C5: variants seen among roughly 807,000 people sequenced by gnomAD.
The protein encoded by C5 is C3 and PZP-like alpha-2-macroglobulin domain-containing protein 4.
In C5, 140 loss-of-function variants were observed where a neutral mutation model predicts 218.8. The observed-to-expected ratio is 0.64, with a 90% CI of 0.56 to 0.74. C5 has a LOEUF of 0.74. C5 is among the 30% of genes least tolerant of loss of function. The pLI is 0.00. For synonymous variants in C5, 614 were observed against 682.3 expected (o/e 0.90, Z 1.56); for missense variants, 1,700 against 1,969.6 (o/e 0.86, Z 2.59).
chr9:120,976,458 A>G (rs2046953616), intron 29 of C5, among the ~76,000 whole-genome samples: 1 of 152,210 alleles, frequency 6.6e-6, no homozygotes, highest in Admixed American at 6.5e-5. Flanking sequence ...TAAAGTCAGG[A>G]GACATGAGTT....
chr9:121,051,446 T>C (rs2047670655), upstream of C5, among the ~76,000 whole-genome samples: 1 of 152,144 alleles, frequency 6.6e-6, no homozygotes, highest in South Asian at 2.1e-4. Flanking sequence ...AGTTAATTTT[T>C]ATGATGTTTT....
rs1157813308 is a variant in C5 at position 121,046,286 on chromosome 9, A to C, written c.163T>G (p.Ser55Ala). ...GYTEAFDATI[S>A]IKSYPDKKFS... is the part of the protein sequence containing the mutation. The stretch of plus-strand genomic sequence containing the variant: ...TTTTTATCAGGATAACTTTTAATAG[A>C]GATTGTTGCATCAAATGCTTCAGTG... Residue 55 changes from serine to alanine, a missense_variant, in exon 2 of 41, where the codon TCT (serine) becomes GCT (alanine). By Grantham distance (99) the Ser-to-Ala change is moderately conservative. Transcript: ENST00000223642. The C allele has an allele frequency of 6.2e-7, 1 of 1,607,420 alleles. No homozygotes were observed. Among genetic ancestry groups the C allele is most frequent in the African/African-American group, 1.3e-5 (1 of 74,908 alleles).
chr9:121,029,541 T>G (rs533494462), intron 7 of C5, among the ~76,000 whole-genome samples: 2 of 152,226 alleles, frequency 1.3e-5, no homozygotes, highest in African/African-American at 4.8e-5. Flanking sequence ...TTATATAGAT[T>G]GGTATAACTA....
chr9:121,008,108 T>C (rs2047230741), intron 18 of C5, among the ~76,000 whole-genome samples: 1 of 152,214 alleles, frequency 6.6e-6, no homozygotes, highest in Non-Finnish European at 1.5e-5. Flanking sequence ...AGGATAAAAA[T>C]AGTGGCTTAA....
In C5 at chr9:120,989,120, C is replaced by A. The variant is rs919279431; in HGVS notation, c.3156G>T (p.Gly1052=). 1 of 1,612,458 alleles carries A rather than the reference C, an allele frequency of 6.2e-7. No individual in the cohort carries two copies. The highest frequency in any genetic ancestry group is 1.3e-5 in the African/African-American group (1 of 75,038). The part of the protein sequence containing the change: ...KQKLKKKLKE[G]MLSIMSYRNA... ...TTCTGTAGGACATAATGCTCAACAT[C>A]CCTAAGAAGCACAAGAAAAAGAACA... Residue 1052 remains glycine, a splice_region_variant and synonymous_variant, in exon 25 of 41, where the codon GGG becomes GGT. Coordinates refer to ENST00000223642, the MANE Select transcript of C5 (RefSeq NM_001735.3).
Position 121,015,272 on chromosome 9 carries a change from TAA to T in C5, c.1997-13_1997-12del. 6.4e-7 allele frequency: 1 copy of T among 1,560,966 alleles called. No individual in the cohort carries two copies. Among genetic ancestry groups the T allele is most frequent in the Non-Finnish European group, 8.8e-7 (1 of 1,135,206 alleles). The stretch of plus-strand genomic sequence containing the variant: ...CTTTACAAGGTTCATCTGGTTTTTT[TAA>T]AAAAAGATAAAGAAGAAGGATTAAA... On this transcript the variant is annotated splice_polypyrimidine_tract_variant and intron_variant, in intron 15 of 40. Coordinates refer to ENST00000223642, the MANE Select transcript of C5 (RefSeq NM_001735.3).
intron 3 of C5, among the ~76,000 whole-genome samples, chr9:121,040,047 T>G (rs906500760): frequency 6.6e-6 from 1 of 152,152 alleles, no homozygotes; most frequent in South Asian, 2.1e-4. Flanking sequence ...CAAACACAAT[T>G]ATATGTAAAA....
At chr9:120,974,345 A>G (rs1252461294) in intron 30 of C5, among the ~76,000 whole-genome samples, 1 of 152,216 alleles carries the variant, frequency 6.6e-6, no homozygotes, top group Non-Finnish European at 1.5e-5. Context: ...CCTCCCAGAC[A>G]TGCCTTCCCT....
At chr9:121,034,681 A>G in intron 5 of C5, 122 bp downstream of exon 5, 4 of 635,956 alleles carry the variant, frequency 6.3e-6, no homozygotes, top group Non-Finnish European at 1.1e-5. Context: ...GAACTTCAAA[A>G]GATTTTGCAT....
At chr9:121,053,043 G>C (rs1016949201), upstream of C5, among the ~76,000 whole-genome samples, 1 of 152,160 alleles carries the variant, frequency 6.6e-6, no homozygotes, top group Non-Finnish European at 1.5e-5. Flanking sequence ...ATCAGATTGC[G>C]AACTTCAAGT....
chr9:120,959,178 A>C (rs1307428629), intron 38 of C5, among the ~76,000 whole-genome samples: 2 of 152,198 alleles, frequency 1.3e-5, no homozygotes, highest in African/African-American at 4.8e-5. Context: ...TGCTAAACAC[A>C]AAGTACCAAA....
chr9:120,991,542 T>C (rs371506190), intron 22 of C5, among the ~76,000 whole-genome samples: 56 of 152,320 alleles, frequency 3.7e-4, no homozygotes, highest in African/African-American at 1.3e-3. Context: ...ATATAAATCT[T>C]ATTCACCAGC....
rs976480698 is a variant in C5 at position 120,952,547 on chromosome 9, G to A, written c.*192C>T. 4 of 533,814 alleles carry A rather than the reference G, an allele frequency of 7.5e-6. No homozygotes were observed. The East Asian group carries it at 1.1e-4, about 15-fold the overall frequency. The allele number at this position is 533,814 out of a possible 1,614,324, so 33.1% of individuals were successfully genotyped here. A position where few individuals can be genotyped will look rare whatever the true frequency, so the allele number is the denominator to read the frequency against. ...AGTATCTGTCTTCATGCCCTCCAAG[G>A]CCATGTTATTTCAGAAAGTTACAGC... On this transcript the variant is annotated 3_prime_UTR_variant, in exon 41 of 41. Coordinates refer to ENST00000223642, the MANE Select transcript of C5 (RefSeq NM_001735.3).
At position 120,989,133 on chromosome 9, in the gene C5, A is replaced by T. The variant is rs770289916; in HGVS notation, c.3155-12T>A. 1 of 1,604,740 alleles carries T rather than the reference A, an allele frequency of 6.2e-7. No homozygotes were observed. The highest frequency in any genetic ancestry group is 8.5e-7 in the Non-Finnish European group (1 of 1,171,444). On this transcript the variant is annotated splice_polypyrimidine_tract_variant and intron_variant, in intron 24 of 40. Transcript: ENST00000223642. Reference sequence around the variant, plus strand: ...AATGCTCAACATCCCTAAGAAGCACAAGAAAAAGAACACGGTGCTTAACAG... The same window carrying T: ...AATGCTCAACATCCCTAAGAAGCACTAGAAAAAGAACACGGTGCTTAACAG...
intron 14 of C5, among the ~76,000 whole-genome samples, chr9:121,017,024 TA>T (rs2047313023): frequency 2.6e-5 from 4 of 152,218 alleles, no homozygotes; most frequent in African/African-American, 9.7e-5. Flanking sequence ...ATCCAAATGT[TA>T]CCTATACAGG....
At chr9:121,052,000 T>C (rs1033273719), upstream of C5, among the ~76,000 whole-genome samples, 36 of 152,352 alleles carry the variant, frequency 2.4e-4, no homozygotes, top group African/African-American at 8.4e-4. Context: ...GAGTAAATAC[T>C]GATAACCAAT....
intron 9 of C5, among the ~76,000 whole-genome samples, chr9:121,024,618 T>A (rs1459287833): frequency 2.6e-5 from 4 of 152,198 alleles, no homozygotes; most frequent in Admixed American, 1.3e-4. Context: ...GGAGGGTTTC[T>A]ATTTCACCCT....
At chr9:120,982,438 G>T (rs1476056085) in intron 26 of C5, among the ~76,000 whole-genome samples, 1 of 152,180 alleles carries the variant, frequency 6.6e-6, no homozygotes, top group Non-Finnish European at 1.5e-5. Flanking sequence ...TAAACGAGAG[G>T]TCTAAGATAT....
At chr9:121,021,325 C>T (rs1412325123) in intron 11 of C5, among the ~76,000 whole-genome samples, 184 bp downstream of exon 11, 1 of 152,116 alleles carries the variant, frequency 6.6e-6, no homozygotes, top group East Asian at 1.9e-4. Flanking sequence ...CATTTATCTT[C>T]CTCAAGGACC....
Sources: allele counts gnomAD v4.1 joint callset (sites outside exome capture counted in the v4.1 genomes callset), GRCh38; gene constraint gnomAD v4.1.1; transcripts MANE v1.5; gene names NCBI Gene and HGNC (gene_info 2026-07-23, HGNC 2026-07-21).